The following PREX2 variants were observed in gnomAD, a reference collection of about 807,000 sequenced individuals.
The protein encoded by PREX2 is phosphatidylinositol 3,4,5-trisphosphate-dependent Rac exchanger 2 protein.
PREX2 carries 107 observed loss-of-function variants against 203.2 expected under a neutral mutation model. The ratio of observed to expected loss-of-function variants is 0.53; its 90% confidence interval spans 0.45 to 0.62. The LOEUF (loss-of-function observed/expected upper bound fraction) is 0.62. Among genes scored for constraint, PREX2 ranks in the 20% least tolerant of loss-of-function variants. The probability of loss-of-function intolerance (pLI) is 0.00; values close to 1 mark genes in which losing one functional copy is unlikely to be tolerated. For missense variants in PREX2, 1,777 were observed against 1,955.9 expected (o/e 0.91, Z 1.72); for synonymous variants, 672 against 663.6 (o/e 1.01, Z -0.19).
intron 5 of PREX2, among the ~76,000 whole-genome samples, chr8:68,029,842 C>T (rs1055899698): frequency 1.3e-5 from 2 of 152,020 alleles, no homozygotes; most frequent in African/African-American, 4.8e-5. Flanking sequence ...AATAAAAAGA[C>T]CCTCCAAATC....
intron 32 of PREX2, among the ~76,000 whole-genome samples, chr8:68,136,593 G>A (rs377117256): frequency 3.9e-5 from 6 of 152,104 alleles, no homozygotes; most frequent in Non-Finnish European, 7.3e-5. Context: ...TCTGTCTACC[G>A]GAAAATGCAC....
chr8:68,054,713 A>G (rs1808623561), intron 9 of PREX2, among the ~76,000 whole-genome samples: 1 of 152,002 alleles, frequency 6.6e-6, no homozygotes, highest in African/African-American at 2.4e-5. Context: ...TACACTGCCG[A>G]TTTGTTCAAC....
At chr8:68,203,389 C>T (rs1039761761) in intron 37 of PREX2, among the ~76,000 whole-genome samples, 14 of 151,996 alleles carry the variant, frequency 9.2e-5, no homozygotes, top group Non-Finnish European at 1.8e-4. Context: ...TTACACTGTC[C>T]CATGTTGAAT....
intron 1 of PREX2, among the ~76,000 whole-genome samples, chr8:67,963,594 C>T (rs1200169459): frequency 2.0e-5 from 3 of 151,770 alleles, no homozygotes; most frequent in African/African-American, 7.3e-5. Context: ...CCATAATTTC[C>T]CCAGATTACG....
In PREX2 at chr8:68,019,526, C is replaced by CT. The variant is rs536077430; in HGVS notation, c.214-21dup. On this transcript the variant is annotated intron_variant, in intron 2 of 39. Coordinates refer to ENST00000288368, the MANE Select transcript of PREX2 (RefSeq NM_024870.4). ...AAAAATTGCTTCACTACTGAGCTTA[C>CT]TTACACATTTGTTTATTTACAGATG... The CT allele has an allele frequency of 5.6e-3, 8,983 of 1,593,262 alleles. 62 individuals are homozygous for CT. Among genetic ancestry groups the CT allele is most frequent in the Non-Finnish European group, 5.9e-3 (6,862 of 1,169,606 alleles).
chr8:67,997,785 T>C (rs1806809141), intron 1 of PREX2, among the ~76,000 whole-genome samples: 1 of 152,138 alleles, frequency 6.6e-6, no homozygotes, highest in Admixed American at 6.5e-5. Flanking sequence ...TCTTAAAATA[T>C]ATATTGTCAT....
chr8:68,209,094 A>G (rs1343177267), intron 37 of PREX2, among the ~76,000 whole-genome samples: 1 of 151,152 alleles, frequency 6.6e-6, no homozygotes, highest in Non-Finnish European at 1.5e-5. Context: ...AAAAAAAGAA[A>G]GAAAAAAGAA....
intron 37 of PREX2, among the ~76,000 whole-genome samples, chr8:68,192,823 G>T (rs781450426): frequency 6.6e-6 from 1 of 152,110 alleles, no homozygotes; most frequent in Non-Finnish European, 1.5e-5. Flanking sequence ...ATTCACTAGA[G>T]AAATTAGTAG....
At chr8:67,980,401 G>A (rs1055640309) in intron 1 of PREX2, among the ~76,000 whole-genome samples, 6 of 152,120 alleles carry the variant, frequency 3.9e-5, no homozygotes, top group Non-Finnish European at 8.8e-5. Flanking sequence ...GCAGCACAAA[G>A]AATAGGATTG....
At position 68,231,809 on chromosome 8, in the gene PREX2, G is replaced by A. The variant is rs540517263; in HGVS notation, c.*431G>A. 11 of 167,092 alleles carry A rather than the reference G, an allele frequency of 6.6e-5. No homozygotes were observed. In the Middle Eastern group the frequency reaches 0.013, roughly 197 times the overall value. 10.4% of individuals were successfully genotyped at this position (167,092 alleles called of 1,614,324 possible). A position where few individuals can be genotyped will look rare whatever the true frequency, so the allele number is the denominator to read the frequency against. ...CCTCTTGAAGAAGGCCATTATTGAA[G>A]AAACCTGGCGACATCTTGCAAATCA... On this transcript the variant is annotated 3_prime_UTR_variant, in exon 40 of 40. Transcript: ENST00000288368.
intron 9 of PREX2, among the ~76,000 whole-genome samples, chr8:68,054,434 A>G (rs1250056886): frequency 1.3e-5 from 2 of 151,960 alleles, no homozygotes; most frequent in South Asian, 2.1e-4. Flanking sequence ...TATGATCTTT[A>G]TCTTTATATT....
chr8:68,105,421 A>G (rs1427875044), intron 23 of PREX2: 11 of 1,263,028 alleles, frequency 8.7e-6, no homozygotes, highest in Non-Finnish European at 1.1e-5. Context: ...CCTTCCTAGC[A>G]TGTGGGCAGG....
intron 35 of PREX2, among the ~76,000 whole-genome samples, chr8:68,162,674 G>A (rs1480144251): frequency 6.6e-6 from 1 of 152,116 alleles, no homozygotes; most frequent in Non-Finnish European, 1.5e-5. Context: ...GCTGTGAAGA[G>A]TATGATTGGA....
At chr8:67,974,803 A>G (rs1806026936) in intron 1 of PREX2, among the ~76,000 whole-genome samples, 1 of 152,246 alleles carries the variant, frequency 6.6e-6, no homozygotes, top group African/African-American at 2.4e-5. Flanking sequence ...TTTGTTTCAA[A>G]TTCATTTATT....
At position 68,234,646 on chromosome 8, in the gene PREX2, T is replaced by C. The variant is rs1813232301; in HGVS notation, c.*3268T>C. The C allele has an allele frequency of 6.6e-6, 1 of 152,108 alleles. No individual in the cohort carries two copies. The highest frequency in any genetic ancestry group is 1.5e-5 in the Non-Finnish European group (1 of 68,010). The allele number at this position is 152,108 out of a possible 1,614,324, so 9.4% of individuals were successfully genotyped here. A position where few individuals can be genotyped will look rare whatever the true frequency, so the allele number is the denominator to read the frequency against. On this transcript the variant is annotated 3_prime_UTR_variant, in exon 40 of 40. Coordinates refer to ENST00000288368, the MANE Select transcript of PREX2 (RefSeq NM_024870.4). ...GTGCTAGTTTTACTTATATTGGATA[T>C]ATAATATTGAATTTATAGTATAAGC...
chr8:68,025,030 A>C (rs189252591), intron 4 of PREX2, among the ~76,000 whole-genome samples: 1 of 151,946 alleles, frequency 6.6e-6, no homozygotes, highest in East Asian at 1.9e-4. Flanking sequence ...TGTTACAATT[A>C]TTGCTTTCTA....
chr8:68,143,074 C>T (rs1415872755), intron 33 of PREX2, among the ~76,000 whole-genome samples: 1 of 152,060 alleles, frequency 6.6e-6, no homozygotes, highest in African/African-American at 2.4e-5. Flanking sequence ...TGATTATTTG[C>T]CATCTCTATA....
At chr8:68,171,167 A>C (rs546039072) in intron 35 of PREX2, among the ~76,000 whole-genome samples, 1 of 152,302 alleles carries the variant, frequency 6.6e-6, no homozygotes, top group East Asian at 1.9e-4. Context: ...TCTGAATGTA[A>C]ATTCATCATC....
At chr8:68,204,527 G>A (rs2129614960) in intron 37 of PREX2, among the ~76,000 whole-genome samples, 1 of 152,116 alleles carries the variant, frequency 6.6e-6, no homozygotes, top group East Asian at 1.9e-4. Context: ...GATGGAGTGA[G>A]TGGAGTATTC....
Sources: allele counts gnomAD v4.1 joint callset (sites outside exome capture counted in the v4.1 genomes callset), GRCh38; gene constraint gnomAD v4.1.1; transcripts MANE v1.5; gene names NCBI Gene and HGNC (gene_info 2026-07-23, HGNC 2026-07-21).